The following GMCL1 variants were observed in gnomAD, a reference collection of about 807,000 sequenced individuals.
GMCL1 encodes the protein germ cell-less 1, spermatogenesis associated.
GMCL1 carries 54 observed loss-of-function variants against 75.5 expected under a neutral mutation model. The ratio of observed to expected loss-of-function variants is 0.71; its 90% CI spans 0.57 to 0.90. The LOEUF (loss-of-function observed/expected upper bound fraction) is 0.90. GMCL1 is among the 40% of genes least tolerant of loss of function. GMCL1 has a pLI of 0.00. For synonymous variants in GMCL1, 210 were observed against 209.6 expected (o/e 1.00, Z -0.02); for missense variants, 537 against 622.7 (o/e 0.86, Z 1.47).
intron 9 of GMCL1, 73 bp downstream of exon 9, chr2:69,855,033 C>T: frequency 1.7e-6 from 2 of 1,176,944 alleles, no homozygotes; most frequent in Non-Finnish European, 2.4e-6. Context: ...TAGAAAAGAA[C>T]AAGGAAAGAA....
intron 1 of GMCL1, 93 bp from the exon 2 acceptor site, chr2:69,837,454 A>G (rs968214000): frequency 1.0e-6 from 1 of 993,622 alleles, no homozygotes; most frequent in Non-Finnish European, 1.4e-6. Context: ...TATTTAATAG[A>G]AATTGAATAA....
intron 9 of GMCL1, among the ~76,000 whole-genome samples, chr2:69,857,427 C>T (rs771517411): frequency 2.9e-4 from 44 of 152,236 alleles, no homozygotes; most frequent in Non-Finnish European, 2.8e-4. Flanking sequence ...ACTTCTTACA[C>T]TACTTTTAGT....
In GMCL1 at chr2:69,879,194, A is replaced by G. The variant is rs747392150; in HGVS notation, c.*190A>G. The G allele has an allele frequency of 4.4e-6, 2 of 452,540 alleles. No homozygotes were observed. The highest frequency in any genetic ancestry group is 7.9e-6 in the Non-Finnish European group (2 of 254,316). 28.0% of individuals were successfully genotyped at this position (452,540 alleles called of 1,614,324 possible). A position where few individuals can be genotyped will look rare whatever the true frequency, so the allele number is the denominator to read the frequency against. On this transcript the variant is annotated 3_prime_UTR_variant, in exon 14 of 14. Coordinates refer to ENST00000282570, the MANE Select transcript of GMCL1 (RefSeq NM_178439.5). Reference sequence around the variant, plus strand: ...AGAAGATTATTCTTATCCTCATTGCATTTCTATGCATATGCGTAAGAACAT... The same window carrying G: ...AGAAGATTATTCTTATCCTCATTGCGTTTCTATGCATATGCGTAAGAACAT...
chr2:69,856,369 T>C (rs1675468010), intron 9 of GMCL1, among the ~76,000 whole-genome samples: 1 of 152,160 alleles, frequency 6.6e-6, no homozygotes, highest in Admixed American at 6.5e-5. Context: ...AGGTGAAAAA[T>C]TTAGAAGCAT....
chr2:69,839,427 G>A, intron 2 of GMCL1, 30 bp from the exon 3 acceptor site: 1 of 1,341,862 alleles, frequency 7.5e-7, no homozygotes, highest in East Asian at 2.3e-5. Context: ...GAAAGTACTT[G>A]ATAATCGTTG....
intron 13 of GMCL1, among the ~76,000 whole-genome samples, chr2:69,878,141 G>A (rs1676176719): frequency 6.6e-6 from 1 of 152,162 alleles, no homozygotes; most frequent in Non-Finnish European, 1.5e-5. Context: ...TGGGAGTTCT[G>A]AGCATTCTTG....
At chr2:69,830,215 G>C in intron 1 of GMCL1, 63 bp downstream of exon 1, 2 of 1,501,204 alleles carry the variant, frequency 1.3e-6, no homozygotes, top group Non-Finnish European at 1.8e-6. Flanking sequence ...GGGCCGAGCC[G>C]GCGCCTCGTG....
At chr2:69,858,221 C>T (rs766383682) in intron 9 of GMCL1, among the ~76,000 whole-genome samples, 9 of 152,134 alleles carry the variant, frequency 5.9e-5, no homozygotes, top group Non-Finnish European at 1.3e-4. Context: ...TGCCATGTTA[C>T]CCAGGCTGTT....
At chr2:69,838,439 A>G (rs550606734) in intron 2 of GMCL1, among the ~76,000 whole-genome samples, 38 of 151,258 alleles carry the variant, frequency 2.5e-4, no homozygotes, top group Non-Finnish European at 5.6e-4. Context: ...CATCAAATCT[A>G]TAAGCTAGGT....
chr2:69,870,856 A>G (rs1675962378), intron 12 of GMCL1, among the ~76,000 whole-genome samples: 1 of 152,048 alleles, frequency 6.6e-6, no homozygotes, highest in African/African-American at 2.4e-5. Context: ...AACAGAATAG[A>G]AAAAAAACAA....
At position 69,837,736 on chromosome 2, in the gene GMCL1, T is replaced by C. The variant is rs568620639; in HGVS notation, c.384+66T>C. 26 of 1,519,576 alleles carry C rather than the reference T, an allele frequency of 1.7e-5. No homozygotes were observed. In the East Asian group the frequency reaches 5.8e-4, roughly 34 times the overall value. The allele number at this position is 1,519,576 out of a possible 1,614,324, so 94.1% of individuals were successfully genotyped here. A position where few individuals can be genotyped will look rare whatever the true frequency, so the allele number is the denominator to read the frequency against. On this transcript the variant is annotated intron_variant, in intron 2 of 13. Transcript: ENST00000282570. The stretch of plus-strand genomic sequence containing the variant: ...AACTCTTAAGTCATGTTCTTCCTCA[T>C]TGCACTTCACAGTAATCTTTTGCAT...
rs147341145 is a variant in GMCL1, at chr2:69,849,687, A to T, written c.879A>T (p.Gly293=). The change falls in exon 8 of 14, where the codon GGA becomes GGT. Residue 293 remains glycine, a synonymous_variant. Transcript: ENST00000282570. The part of the protein sequence containing the change: ...MFLQLVPSWN[G]SLKQLLTETD... ...TTCAACTTGTGCCTTCTTGGAATGG[A>T]TCTTTAAAACAGCTTTTGACAGAAA... 1.9e-6 allele frequency: 3 copies of T among 1,592,722 alleles called. No individual in the cohort carries two copies. The African/African-American group carries it at 4.0e-5, about 21-fold the overall frequency.
chr2:69,831,689 C>G (rs76885753), intron 1 of GMCL1, among the ~76,000 whole-genome samples: 21 of 152,260 alleles, frequency 1.4e-4, no homozygotes, highest in African/African-American at 5.1e-4. Context: ...CTCACTCTAC[C>G]TCGACCTCAC....
chr2:69,841,052 GTTA>G lies in GMCL1; in HGVS notation c.579+16_579+18del, dbSNP rs763538722. ...TTTGCTGCAGTTGGTAAGTATGCAC[GTTA>G]TTCGAAGAAAGGTTCAGAATAATAA... On this transcript the variant is annotated intron_variant, in intron 4 of 13. Transcript: ENST00000282570. The G allele has an allele frequency of 1.7e-5, 27 of 1,580,304 alleles. No individual in the cohort carries two copies. Among genetic ancestry groups the G allele is most frequent in the Admixed American group, 8.4e-5 (5 of 59,864 alleles).
At chr2:69,855,901 T>C (rs1423317615) in intron 9 of GMCL1, among the ~76,000 whole-genome samples, 1 of 152,190 alleles carries the variant, frequency 6.6e-6, no homozygotes, top group Non-Finnish European at 1.5e-5. Context: ...TTTTAAGGCT[T>C]TTTGCAAATG....
At chr2:69,830,345 T>TC (rs1212342467) in intron 1 of GMCL1, among the ~76,000 whole-genome samples, 193 bp downstream of exon 1, 4 of 152,132 alleles carry the variant, frequency 2.6e-5, no homozygotes, top group African/African-American at 9.7e-5. Flanking sequence ...CGCCAGGTGT[T>TC]CCGCATTTTC....
chr2:69,878,148 C>T (rs1174194657), intron 13 of GMCL1, among the ~76,000 whole-genome samples: 2 of 152,120 alleles, frequency 1.3e-5, no homozygotes, highest in Non-Finnish European at 2.9e-5. Flanking sequence ...TCTGAGCATT[C>T]TTGTGTGTGT....
rs143713366 is a variant in GMCL1, at chr2:69,873,655, G to C, written c.1452+1823G>C. The C allele has an allele frequency of 4.3e-3, 708 of 164,430 alleles. 2 individuals are homozygous for C. The highest frequency in any genetic ancestry group is 0.016 in the African/African-American group (668 of 41,842). The allele number at this position is 164,430 out of a possible 1,614,324, so 10.2% of individuals were successfully genotyped here. A position where few individuals can be genotyped will look rare whatever the true frequency, so the allele number is the denominator to read the frequency against. ...TCTTCTCTCCATCAGCCCTGATCAC[G>C]GTGTTGATCTTGGCCACATTGGTGT... On this transcript the variant is annotated intron_variant, in intron 13 of 13. Transcript: ENST00000282570.
intron 1 of GMCL1, 101 bp from the exon 2 acceptor site, chr2:69,837,446 T>C (rs1207111919): frequency 1.0e-6 from 1 of 962,318 alleles, no homozygotes; most frequent in Non-Finnish European, 1.5e-6. Context: ...GTTGACTCTA[T>C]TTAATAGAAA....
Sources: allele counts gnomAD v4.1 joint callset (sites outside exome capture counted in the v4.1 genomes callset), GRCh38; gene constraint gnomAD v4.1.1; transcripts MANE v1.5; gene names NCBI Gene and HGNC (gene_info 2026-07-23, HGNC 2026-07-21).